The following OR4K1 variants were observed in gnomAD, a reference collection of about 807,000 sequenced individuals.
The protein encoded by OR4K1 is olfactory receptor family 4 subfamily K member 1.
OR4K1 carries 16 observed loss-of-function variants against 14.4 expected under a neutral mutation model. The ratio of observed to expected loss-of-function variants is 1.11; its 90% CI spans 0.75 to 1.68. The LOEUF (loss-of-function observed/expected upper bound fraction) is 1.68. Among genes scored for constraint, OR4K1 ranks in the 40% most tolerant of loss-of-function variants. The probability of loss-of-function intolerance (pLI) is 0.00; values close to 1 mark genes in which losing one functional copy is unlikely to be tolerated. For synonymous variants in OR4K1, 181 were observed against 133.1 expected (o/e 1.36, Z -2.48); for missense variants, 548 against 376.9 (o/e 1.45, Z -3.76).
intron 1 of OR4K1, among the ~76,000 whole-genome samples, chr14:19,932,049 C>T (rs555319014): frequency 1.3e-5 from 2 of 152,152 alleles, no homozygotes; most frequent in Non-Finnish European, 2.9e-5. Flanking sequence ...TAATGTTGAA[C>T]CTGATCTGTT....
At chr14:19,929,333 T>C (rs1389830786), upstream of OR4K1, among the ~76,000 whole-genome samples, 1 of 149,790 alleles carries the variant, frequency 6.7e-6, no homozygotes, top group Non-Finnish European at 1.5e-5. Context: ...AATAATATAA[T>C]ATGTGCATTT....
At chr14:19,925,912 T>C in the OR4K1 span, among the ~76,000 whole-genome samples, 50 of 152,180 alleles carry the variant, frequency 3.3e-4, no homozygotes, top group African/African-American at 1.1e-3. Flanking sequence ...GAATGCAGAG[T>C]AACAGAGTCC....
At chr14:19,927,525 GTGTAGATTTTTGTAC>G, upstream of OR4K1, among the ~76,000 whole-genome samples, 1 of 152,234 alleles carries the variant, frequency 6.6e-6, no homozygotes, top group South Asian at 2.1e-4. Context: ...GGCTCTAAGT[GTGTAGATTTTTGTAC>G]TTTACAACAA....
chr14:19,923,523 A>G, the OR4K1 span, among the ~76,000 whole-genome samples: 1 of 152,234 alleles, frequency 6.6e-6, no homozygotes, highest in Non-Finnish European at 1.5e-5. Flanking sequence ...ATTGTATATA[A>G]CATATTTATT....
Position 19,935,652 on chromosome 14 carries a change from CT to C in OR4K1, c.-14del. The stretch of plus-strand genomic sequence containing the variant: ...TTTCTGATTTCTTTTTTTTAGGTAA[CT>C]GAATATTGGATACATGGCTCACACA... On this transcript the variant is annotated 5_prime_UTR_variant, in exon 2 of 2. Coordinates refer to ENST00000641172, the MANE Select transcript of OR4K1 (RefSeq NM_001004063.3). The C allele has an allele frequency of 1.3e-6, 2 of 1,553,634 alleles. No individual in the cohort carries two copies. The highest frequency in any genetic ancestry group is 4.2e-5 in the Admixed American group (2 of 47,320).
chr14:19,926,333 T>C (rs927585252), upstream of OR4K1, among the ~76,000 whole-genome samples: 2 of 152,222 alleles, frequency 1.3e-5, no homozygotes, highest in African/African-American at 2.4e-5. Flanking sequence ...ACTCTTTTAC[T>C]CTCTGTCATA....
chr14:19,932,122 A>G (rs1476779576), intron 1 of OR4K1, among the ~76,000 whole-genome samples: 3 of 152,244 alleles, frequency 2.0e-5, no homozygotes. Flanking sequence ...TGTTTCCTAT[A>G]TTTTGAAAAA....
chr14:19,920,748 A>G, the OR4K1 span: 3 of 1,614,108 alleles, frequency 1.9e-6, no homozygotes, highest in Non-Finnish European at 2.5e-6. Context: ...CATTATCCTC[A>G]CAGTGACTTC....
chr14:19,922,860 TG>T, the OR4K1 span, among the ~76,000 whole-genome samples: 18 of 152,236 alleles, frequency 1.2e-4, no homozygotes, highest in Admixed American at 6.5e-5. Context: ...TCAAGAGTGT[TG>T]TAAAATTTAT....
At chr14:19,921,702 TAAC>T in the OR4K1 span, 1 of 1,055,864 alleles carries the variant, frequency 9.5e-7, no homozygotes, top group African/African-American at 1.6e-5. Flanking sequence ...TAATGAATAT[TAAC>T]AAGTCTTTTT....
chr14:19,924,444 T>C, the OR4K1 span, among the ~76,000 whole-genome samples: 23 of 146,368 alleles, frequency 1.6e-4, no homozygotes, highest in African/African-American at 5.7e-4. Flanking sequence ...ATTTATAAAG[T>C]GAATGCTATC....
the OR4K1 span, among the ~76,000 whole-genome samples, chr14:19,925,091 T>C: frequency 2.6e-5 from 4 of 152,202 alleles, no homozygotes; most frequent in Non-Finnish European, 5.9e-5. Context: ...ACAGATCCTA[T>C]AGACTTTCCC....
chr14:19,929,463 C>T (rs1307765834), upstream of OR4K1, among the ~76,000 whole-genome samples: 1 of 149,362 alleles, frequency 6.7e-6, no homozygotes, highest in Non-Finnish European at 1.5e-5. Context: ...AATATTTCAC[C>T]TTGGAGCTTT....
chr14:19,921,998 T>A, the OR4K1 span, among the ~76,000 whole-genome samples: 1 of 152,368 alleles, frequency 6.6e-6, no homozygotes. Flanking sequence ...TTTTGCCAAC[T>A]TCAGGGAATA....
the OR4K1 span, among the ~76,000 whole-genome samples, chr14:19,924,588 C>G: frequency 6.6e-6 from 1 of 152,158 alleles, no homozygotes; most frequent in East Asian, 1.9e-4. Flanking sequence ...TGCTTTTACA[C>G]TGTTGGTGAG....
the OR4K1 span, chr14:19,921,070 A>G: frequency 1.2e-6 from 2 of 1,614,058 alleles, no homozygotes; most frequent in Admixed American, 1.7e-5. Flanking sequence ...AGCTTGGTGC[A>G]CACATTAAGC....
chr14:19,921,202 T>C, the OR4K1 span: 3 of 1,614,186 alleles, frequency 1.9e-6, no homozygotes, highest in Non-Finnish European at 2.5e-6. Flanking sequence ...GAAATACTAA[T>C]TGTGGTCAAT....
At chr14:19,922,367 T>G in the OR4K1 span, among the ~76,000 whole-genome samples, 1 of 152,256 alleles carries the variant, frequency 6.6e-6, no homozygotes, top group Non-Finnish European at 1.5e-5. Context: ...GTACTCATCC[T>G]CCAGCAAGTT....
In OR4K1 at chr14:19,935,917, A is replaced by T. The variant is rs114526346; in HGVS notation, c.251A>T (p.Asp84Val). The part of the protein sequence containing the change: ...SNFATPKMLV[D>V]FFIERKTISF... ...TTTGCCACCCCCAAGATGCTTGTAG[A>T]CTTTTTTATTGAGCGCAAGACTATC... Residue 84 changes from aspartate (D) to valine (V), a missense_variant, in exon 2 of 2, where the codon GAC becomes GTC. Physicochemically the swap from Asp to Val is radical, Grantham distance 152 (BLOSUM62 -3). Transcript: ENST00000641172. 4.6e-3 allele frequency: 7,498 copies of T among 1,613,076 alleles called. 134 individuals are homozygous for T. In the African/African-American group the frequency reaches 0.064, roughly 14 times the overall value.
Sources: allele counts gnomAD v4.1 joint callset (sites outside exome capture counted in the v4.1 genomes callset), GRCh38; gene constraint gnomAD v4.1.1; transcripts MANE v1.5; gene names NCBI Gene and HGNC (gene_info 2026-07-23, HGNC 2026-07-21).